Variants in LCLAT1 observed in about 807,000 individuals in gnomAD.
LCLAT1 encodes the protein 1-AGP acyltransferase 8.
In LCLAT1, 11 loss-of-function variants were observed where a neutral mutation model predicts 30.7. The observed-to-expected ratio is 0.36, with a 90% CI of 0.23 to 0.59. The LOEUF is 0.59. Among genes scored for constraint, LCLAT1 ranks in the 20% least tolerant of loss-of-function variants. The pLI, the probability that LCLAT1 is intolerant of heterozygous loss-of-function variation, is 0.77. For synonymous variants in LCLAT1, 155 were observed against 151.3 expected, an observed-to-expected ratio of 1.02 and a Z score of -0.18; for missense variants, 402 against 458.6, an observed-to-expected ratio of 0.88 and a Z score of 1.13.
intron 4 of LCLAT1, among the ~76,000 whole-genome samples, chr2:30,564,021 T>C (rs377203367): frequency 1.3e-5 from 2 of 152,158 alleles, no homozygotes; most frequent in South Asian, 2.1e-4. Context: ...ATTCTAGAAG[T>C]GGTTGGATCA....
chr2:30,618,986 G>A (rs932815912), intron 5 of LCLAT1, among the ~76,000 whole-genome samples: 8 of 152,122 alleles, frequency 5.3e-5, no homozygotes, highest in African/African-American at 9.7e-5. Context: ...ATGGTAACAA[G>A]TCTGGTAACA....
intron 3 of LCLAT1, among the ~76,000 whole-genome samples, chr2:30,559,803 T>A (rs1282691430): frequency 9.2e-5 from 14 of 152,212 alleles, no homozygotes; most frequent in African/African-American, 3.4e-4. Context: ...TTTCTGCACA[T>A]TTTGGTTTTG....
intron 1 of LCLAT1, among the ~76,000 whole-genome samples, chr2:30,521,977 CT>C (rs1164551085): frequency 1.3e-5 from 2 of 152,170 alleles, no homozygotes; most frequent in African/African-American, 4.8e-5. Flanking sequence ...AGTCTGGCCT[CT>C]TTCATTCAGC....
chr2:30,482,117 T>C (rs1327148083), intron 1 of LCLAT1, among the ~76,000 whole-genome samples: 1 of 152,230 alleles, frequency 6.6e-6, no homozygotes, highest in Non-Finnish European at 1.5e-5. Flanking sequence ...AACTATTTCA[T>C]CTTAAAACAC....
At chr2:30,553,875 A>C (rs578190573) in intron 3 of LCLAT1, among the ~76,000 whole-genome samples, 1 of 152,242 alleles carries the variant, frequency 6.6e-6, no homozygotes, top group Non-Finnish European at 1.5e-5. Flanking sequence ...AGGTTGCGCT[A>C]TCATTAGCTC....
At chr2:30,537,232 T>A (rs905567289) in intron 3 of LCLAT1, among the ~76,000 whole-genome samples, 3 of 151,900 alleles carry the variant, frequency 2.0e-5, no homozygotes, top group African/African-American at 7.3e-5. Context: ...ATACAAAAAA[T>A]TAGCCGGGCG....
intron 1 of LCLAT1, among the ~76,000 whole-genome samples, chr2:30,457,346 A>C (rs1681883605): frequency 6.6e-6 from 1 of 152,218 alleles, no homozygotes; most frequent in South Asian, 2.1e-4. Flanking sequence ...TCTGAAACCT[A>C]ACAAAAGGAT....
chr2:30,462,190 C>T (rs542258445), intron 1 of LCLAT1, among the ~76,000 whole-genome samples: 2 of 152,294 alleles, frequency 1.3e-5, no homozygotes, highest in African/African-American at 4.8e-5. Flanking sequence ...GTCCAATAGG[C>T]TCAAATTAAT....
intron 1 of LCLAT1, among the ~76,000 whole-genome samples, chr2:30,461,945 G>T (rs1029865942): frequency 2.3e-4 from 34 of 150,738 alleles, no homozygotes; most frequent in African/African-American, 8.3e-4. Context: ...TAATTTTTTT[G>T]TGTTTTTTAG....
intron 1 of LCLAT1, among the ~76,000 whole-genome samples, chr2:30,504,692 C>T (rs1684570679): frequency 6.6e-6 from 1 of 152,166 alleles, no homozygotes; most frequent in South Asian, 2.1e-4. Context: ...CTTCTTTTTC[C>T]TCTCCCCTTC....
chr2:30,619,949 T>A (rs750775000), intron 5 of LCLAT1, among the ~76,000 whole-genome samples: 4 of 152,336 alleles, frequency 2.6e-5, no homozygotes, highest in Middle Eastern at 3.4e-3. Flanking sequence ...AGTTAACTGT[T>A]ATTACTGAGT....
chr2:30,590,507 G>A (rs1666641735), intron 5 of LCLAT1, among the ~76,000 whole-genome samples: 2 of 146,566 alleles, frequency 1.4e-5, no homozygotes, highest in Non-Finnish European at 3.0e-5. Context: ...TTATGTGAAG[G>A]TGGACATATT....
intron 1 of LCLAT1, among the ~76,000 whole-genome samples, chr2:30,467,160 A>T (rs575422950): frequency 6.6e-6 from 1 of 152,110 alleles, no homozygotes; most frequent in African/African-American, 2.4e-5. Context: ...TCATTGTTCA[A>T]TTCCCACCTA....
At chr2:30,616,788 C>T (rs926942603) in intron 5 of LCLAT1, among the ~76,000 whole-genome samples, 2 of 151,612 alleles carry the variant, frequency 1.3e-5, no homozygotes, top group Non-Finnish European at 2.9e-5. Context: ...TATGTTAATG[C>T]TTATTTGAAT....
intron 5 of LCLAT1, among the ~76,000 whole-genome samples, chr2:30,630,467 T>C (rs1206419235): frequency 6.6e-6 from 1 of 152,252 alleles, no homozygotes; most frequent in African/African-American, 2.4e-5. Flanking sequence ...CAAGTTTTTT[T>C]CTTCTATAGA....
At chr2:30,533,716 T>A (rs1431000967) in intron 3 of LCLAT1, among the ~76,000 whole-genome samples, 1 of 152,234 alleles carries the variant, frequency 6.6e-6, no homozygotes, top group Non-Finnish European at 1.5e-5. Context: ...AATATGTAGG[T>A]TCGAAGCATT....
chr2:30,606,048 C>T (rs746328904), intron 5 of LCLAT1: 108 of 1,297,742 alleles, frequency 8.3e-5, no homozygotes, highest in Non-Finnish European at 1.1e-4. Context: ...TAAAGGACCA[C>T]TTCAAGGAGA....
chr2:30,463,455 C>T (rs928680127), intron 1 of LCLAT1, among the ~76,000 whole-genome samples: 6 of 152,108 alleles, frequency 3.9e-5, no homozygotes, highest in Non-Finnish European at 4.4e-5. Flanking sequence ...GTCATGTCTA[C>T]CTTTCTGAAT....
intron 1 of LCLAT1, among the ~76,000 whole-genome samples, chr2:30,453,930 A>T (rs1334241945): frequency 1.3e-5 from 2 of 152,208 alleles, no homozygotes; most frequent in African/African-American, 4.8e-5. Flanking sequence ...CATTTTACTT[A>T]TGAGGAAACA....
Sources: gnomAD v4.1 joint callset for allele counts (sites outside exome capture counted in the v4.1 genomes callset) on GRCh38, gnomAD v4.1.1 for gene constraint, MANE v1.5 for transcripts, NCBI Gene and HGNC (gene_info 2026-07-23, HGNC 2026-07-21) for gene names.